The following ARL10 variants were observed in gnomAD, a reference collection of about 807,000 sequenced individuals.
ARL10 encodes the protein ADP-ribosylation factor-like protein 10.
Under a neutral mutation model 26.1 loss-of-function variants are expected in ARL10, and 23 were observed. The ratio of observed to expected loss-of-function variants is 0.88; its 90% CI spans 0.63 to 1.25. The LOEUF is 1.25. Ranked by LOEUF, ARL10 falls within the 50% of genes most tolerant of loss-of-function variation. The pLI is 0.00. For missense variants in ARL10, 300 were observed against 323.6 expected (o/e 0.93, Z 0.56); for synonymous variants, 138 against 149.1 (o/e 0.93, Z 0.54).
chr5:176,398,965 C>G (rs1581429054), intron 1 of ARL10, among the ~76,000 whole-genome samples: 1 of 151,926 alleles, frequency 6.6e-6, no homozygotes, highest in Admixed American at 6.5e-5. Flanking sequence ...ACCTCAGCCT[C>G]CTGAGTAGCT....
At chr5:176,390,182 C>CAAAAAAAA (rs60632467), downstream of ARL10, among the ~76,000 whole-genome samples, 9 of 65,220 alleles carry the variant, frequency 1.4e-4, 1 homozygote, top group Non-Finnish European at 1.8e-4. Flanking sequence ...AACTCCATCT[C>CAAAAAAAA]AAAAAAAAAA....
rs192410985 is a variant in ARL10, at chr5:176,374,668, T to A, written c.*2773T>A. 1 of 152,336 alleles carries A rather than the reference T, an allele frequency of 6.6e-6. No individual in the cohort carries two copies. The highest frequency in any genetic ancestry group is 1.5e-5 in the Non-Finnish European group (1 of 68,028). The allele number at this position is 152,336 out of a possible 1,614,324, so 9.4% of individuals were successfully genotyped here. ...GTATAATGGCAATTAAGGACATAGT[T>A]CACTATGAAGTACCTTAATTGTAAA... On this transcript the variant is annotated 3_prime_UTR_variant, in exon 4 of 4. Coordinates refer to ENST00000310389, the MANE Select transcript of ARL10 (RefSeq NM_173664.6).
chr5:176,372,251 G>A lies in ARL10; in HGVS notation c.*356G>A. On this transcript the variant is annotated 3_prime_UTR_variant, in exon 4 of 4. Transcript: ENST00000310389. ...CGGTACCTGAGGAACCAGTGTAGGTGTCAGAAATACTCCTAGAGCCTCAAG... is the reference window on the plus strand; with the variant it reads ...CGGTACCTGAGGAACCAGTGTAGGTATCAGAAATACTCCTAGAGCCTCAAG... The A allele has an allele frequency of 3.2e-6, 1 of 314,306 alleles. No individual in the cohort carries two copies. Among genetic ancestry groups the A allele is most frequent in the South Asian group, 6.0e-5 (1 of 16,776 alleles). 19.5% of individuals were successfully genotyped at this position (314,306 alleles called of 1,614,324 possible).
downstream of ARL10, among the ~76,000 whole-genome samples, chr5:176,403,342 G>A (rs1317759084): frequency 2.0e-5 from 3 of 151,634 alleles, no homozygotes; most frequent in African/African-American, 2.4e-5. Context: ...GAGCTACTGC[G>A]CCTGGCCAAG....
At position 176,380,470 on chromosome 5, in the gene ARL10, G is replaced by GTTTTTTTTTTTT. The variant is rs748873564; in HGVS notation, c.*8585_*8596dup. 1.8e-5 allele frequency: 2 copies of GTTTTTTTTTTTT among 112,980 alleles called. No individual in the cohort carries two copies. Among genetic ancestry groups the GTTTTTTTTTTTT allele is most frequent in the African/African-American group, 3.3e-5 (1 of 30,376 alleles). The allele number at this position is 112,980 out of a possible 1,614,324, so 7.0% of individuals were successfully genotyped here. A position where few individuals can be genotyped will look rare whatever the true frequency, so the allele number is the denominator to read the frequency against. ...AACAAGTTCTGGGTCCATAATTTTG[G>GTTTTTTTTTTTT]TTTTTTTTTTTTTTTTTTTTTGAGA... is the stretch of plus-strand genomic sequence containing the variant. On this transcript the variant is annotated 3_prime_UTR_variant, in exon 4 of 4. Transcript: ENST00000310389.
downstream of ARL10, among the ~76,000 whole-genome samples, chr5:176,404,399 C>T (rs1294984348): frequency 6.6e-6 from 1 of 152,210 alleles, no homozygotes; most frequent in African/African-American, 2.4e-5. Flanking sequence ...CTTTTTTCCA[C>T]AGCCCTTTGG....
chr5:176,385,276 C>A (rs768904952), downstream of ARL10: 1 of 1,613,514 alleles, frequency 6.2e-7, no homozygotes, highest in Non-Finnish European at 8.5e-7. Flanking sequence ...AATGAGGTCC[C>A]GAGACAGAGT....
intron 1 of ARL10, chr5:176,387,015 C>T (rs560107452): frequency 7.3e-5 from 69 of 944,410 alleles, no homozygotes; most frequent in Admixed American, 1.1e-4. Flanking sequence ...TCCCTGCCCA[C>T]GGTTAGGTAG....
At chr5:176,384,053 T>G (rs1299402729), downstream of ARL10, 3 of 1,554,430 alleles carry the variant, frequency 1.9e-6, no homozygotes, top group Admixed American at 1.9e-5. Context: ...AATTGGAGCC[T>G]CTGAGAACAG....
At chr5:176,410,911 C>T in the ARL10 span, among the ~76,000 whole-genome samples, 1 of 152,212 alleles carries the variant, frequency 6.6e-6, no homozygotes, top group South Asian at 2.1e-4. Flanking sequence ...CCTCCCTGTC[C>T]CTTTCCTTGA....
chr5:176,397,074 G>C (rs1756558611), intron 1 of ARL10, among the ~76,000 whole-genome samples: 1 of 152,052 alleles, frequency 6.6e-6, no homozygotes, highest in Non-Finnish European at 1.5e-5. Context: ...CTGTATTTGA[G>C]CTTAGTTGAA....
intron 1 of ARL10, chr5:176,386,991 C>T (rs771627835): frequency 3.2e-6 from 4 of 1,233,514 alleles, no homozygotes; most frequent in Non-Finnish European, 4.8e-6. Flanking sequence ...AACACAACTA[C>T]TAACCCATAA....
rs549015543 is a variant in ARL10 at position 176,368,086 on chromosome 5, T to A, written c.386-721T>A. The A allele has an allele frequency of 2.0e-6, 1 of 497,484 alleles. No individual in the cohort carries two copies. Among genetic ancestry groups the A allele is most frequent in the South Asian group, 1.4e-5 (1 of 70,252 alleles). The allele number at this position is 497,484 out of a possible 1,614,324, so 30.8% of individuals were successfully genotyped here. A position where few individuals can be genotyped will look rare whatever the true frequency, so the allele number is the denominator to read the frequency against. ...ACTCTCACAGCTTAGAATCCTCAAG[T>A]GTCAGAAACATAGCCAGAAACACTA... On this transcript the variant is annotated intron_variant, in intron 2 of 3. Coordinates refer to ENST00000310389, the MANE Select transcript of ARL10 (RefSeq NM_173664.6). The surrounding 1 kb of genome is among the most constrained non-coding windows in gnomAD (Gnocchi z 4.1).
At chr5:176,408,842 G>A in the ARL10 span, among the ~76,000 whole-genome samples, 1 of 152,174 alleles carries the variant, frequency 6.6e-6, no homozygotes, top group South Asian at 2.1e-4. Flanking sequence ...TTTTTTGCAG[G>A]ATAAAAACAC....
At chr5:176,395,337 TATC>T (rs1422168856) in intron 1 of ARL10, among the ~76,000 whole-genome samples, 4 of 152,182 alleles carry the variant, frequency 2.6e-5, no homozygotes, top group Non-Finnish European at 5.9e-5. Context: ...ACAAGGCCCT[TATC>T]ATAACACACT....
chr5:176,365,809 G>C, intron 1 of ARL10, 63 bp downstream of exon 1: 3 of 1,230,814 alleles, frequency 2.4e-6, no homozygotes. Flanking sequence ...CGCGCATGTG[G>C]CCAAGGGGTG....
chr5:176,386,478 A>AT, downstream of ARL10: 2 of 360,322 alleles, frequency 5.6e-6, no homozygotes, highest in Non-Finnish European at 1.1e-5. Flanking sequence ...CATAAAATCG[A>AT]TTTTGTCATT....
At position 176,373,621 on chromosome 5, in the gene ARL10, G is replaced by A. The variant is rs1768612849; in HGVS notation, c.*1726G>A. ...AATTCTGAAGTCCAGAAGCGAGTGT[G>A]ATCTTTGGAATAGTGGCTGCTGTGC... On this transcript the variant is annotated 3_prime_UTR_variant, in exon 4 of 4. Transcript: ENST00000310389. 6.6e-6 allele frequency: 1 copy of A among 152,246 alleles called. No individual in the cohort carries two copies. Among genetic ancestry groups the A allele is most frequent in the Non-Finnish European group, 1.5e-5 (1 of 68,058 alleles). The allele number at this position is 152,246 out of a possible 1,614,324, so 9.4% of individuals were successfully genotyped here. A position where few individuals can be genotyped will look rare whatever the true frequency, so the allele number is the denominator to read the frequency against.
At chr5:176,392,950 G>T, downstream of ARL10, 1 of 1,613,932 alleles carries the variant, frequency 6.2e-7, no homozygotes. The surrounding 1 kb of genome is among the most constrained non-coding windows in gnomAD (Gnocchi z 5.2). Flanking sequence ...GATGCCCTGC[G>T]GGTGGAGATA....
Sources: allele counts gnomAD v4.1 joint callset (sites outside exome capture counted in the v4.1 genomes callset), GRCh38; gene constraint gnomAD v4.1.1; non-coding constraint Gnocchi (gnomAD v3.1); transcripts MANE v1.5; gene names NCBI Gene and HGNC (gene_info 2026-07-23, HGNC 2026-07-21).